Variants in RSF1 observed in about 807,000 individuals in gnomAD.
RSF1 encodes the protein remodeling and spacing factor 1, also known as HBV pX-associated protein 8.
RSF1 carries 13 observed loss-of-function variants against 145.2 expected under a neutral mutation model. That is an observed-to-expected ratio of 0.09 (90% CI 0.06 to 0.14). RSF1 has a LOEUF of 0.14. Among genes scored for constraint, RSF1 ranks in the 10% least tolerant of loss-of-function variants. The pLI is 1.00. For synonymous variants in RSF1, 577 were observed against 592.6 expected (o/e 0.97, Z 0.38); for missense variants, 1,517 against 1,718.2 (o/e 0.88, Z 2.07).
Position 77,667,150 on chromosome 11 carries a change from A to G in RSF1, c.4093T>C (p.Leu1365=). ...GKVGSPLDYS[L]VDLPSTNGQS... is the part of the protein sequence containing the mutation. Reference sequence around the variant, plus strand: ...CCATTGGTTGAAGGTAAGTCCACTAAGCTATAGTCCAATGGGCTCCCCACT... The same window carrying G: ...CCATTGGTTGAAGGTAAGTCCACTAGGCTATAGTCCAATGGGCTCCCCACT... Residue 1365 remains leucine, a synonymous_variant, in exon 16 of 16, where the codon TTA becomes CTA. Transcript: ENST00000308488. 2 of 1,614,196 alleles carry G rather than the reference A, an allele frequency of 1.2e-6. No individual in the cohort carries two copies. Among genetic ancestry groups the G allele is most frequent in the Non-Finnish European group, 1.7e-6 (2 of 1,180,036 alleles).
At chr11:77,795,690 A>C (rs1242604607) in intron 1 of RSF1, among the ~76,000 whole-genome samples, 1 of 152,224 alleles carries the variant, frequency 6.6e-6, no homozygotes, top group Non-Finnish European at 1.5e-5. Context: ...CTGGACCTCT[A>C]TTTCTCATCA....
chr11:77,768,354 G>C (rs1450911561), intron 1 of RSF1, among the ~76,000 whole-genome samples: 1 of 151,864 alleles, frequency 6.6e-6, no homozygotes, highest in Non-Finnish European at 1.5e-5. Flanking sequence ...GTAAAGACAG[G>C]GTTTTGCCAT....
chr11:77,854,531 T>A, the RSF1 span, among the ~76,000 whole-genome samples: 1 of 152,150 alleles, frequency 6.6e-6, no homozygotes, highest in South Asian at 2.1e-4. Context: ...GGGCAGTAAT[T>A]AAAACTTAAA....
intron 10 of RSF1, among the ~76,000 whole-genome samples, chr11:77,684,062 C>T (rs1362612817): frequency 2.0e-5 from 3 of 152,142 alleles, no homozygotes; most frequent in Non-Finnish European, 4.4e-5. Flanking sequence ...AGATTATAAC[C>T]AGTACTTGTT....
chr11:77,841,734 C>A, the RSF1 span, among the ~76,000 whole-genome samples: 1 of 152,224 alleles, frequency 6.6e-6, no homozygotes, highest in African/African-American at 2.4e-5. Flanking sequence ...CTTATAAAGC[C>A]CCCTGTGGCT....
chr11:77,757,031 G>A (rs866965936), intron 2 of RSF1, among the ~76,000 whole-genome samples: 1 of 152,174 alleles, frequency 6.6e-6, no homozygotes, highest in South Asian at 2.1e-4. Flanking sequence ...CAAGCCAAGG[G>A]GTGAAGGGAA....
At chr11:77,871,260 T>A in the RSF1 span, among the ~76,000 whole-genome samples, 1 of 152,236 alleles carries the variant, frequency 6.6e-6, no homozygotes, top group African/African-American at 2.4e-5. Flanking sequence ...CTAATTAAAA[T>A]CTATTTTTAA....
rs373939484 is a variant in RSF1 at position 77,667,358 on chromosome 11, T to C, written c.3885A>G (p.Pro1295=). The C allele has an allele frequency of 9.9e-6, 16 of 1,613,964 alleles. No individual in the cohort carries two copies. The highest frequency in any genetic ancestry group is 4.5e-5 in the East Asian group (2 of 44,870). ...CAATCCGGTGTAGCCGTTTGCGGGA[T>C]GGTTTGCCTTCCTCTTCCTCCTCCT... is the stretch of plus-strand genomic sequence containing the variant. The part of the protein sequence containing the change: ...DEEEEEEEGK[P]SRKRLHRIET... Residue 1295 remains proline, a synonymous_variant, in exon 16 of 16, where the codon CCA becomes CCG. Coordinates refer to ENST00000308488, the MANE Select transcript of RSF1 (RefSeq NM_016578.4).
At chr11:77,712,745 C>T (rs1960716837) in intron 5 of RSF1, among the ~76,000 whole-genome samples, 1 of 152,118 alleles carries the variant, frequency 6.6e-6, no homozygotes, top group South Asian at 2.1e-4. Context: ...AAAAGCTGCC[C>T]CTTCACCTTT....
At chr11:77,674,816 A>G (rs1332201170) in intron 14 of RSF1, among the ~76,000 whole-genome samples, 1 of 152,140 alleles carries the variant, frequency 6.6e-6, no homozygotes, top group Non-Finnish European at 1.5e-5. Flanking sequence ...CCTGGCCAAC[A>G]TGGAGAAACT....
chr11:77,682,915 G>A (rs1959902787), intron 11 of RSF1, among the ~76,000 whole-genome samples: 1 of 152,200 alleles, frequency 6.6e-6, no homozygotes, highest in Non-Finnish European at 1.5e-5. Flanking sequence ...CAAATGCAGA[G>A]AGTGTAAGGG....
chr11:77,736,026 C>T (rs761260984), intron 4 of RSF1, among the ~76,000 whole-genome samples: 1 of 152,186 alleles, frequency 6.6e-6, no homozygotes, highest in Non-Finnish European at 1.5e-5. Flanking sequence ...TGTGAGCCGC[C>T]GCACCCGGCC....
At chr11:77,738,691 T>G (rs1160940314) in intron 4 of RSF1, 1 of 152,128 alleles carries the variant, frequency 6.6e-6, no homozygotes, top group East Asian at 1.9e-4. Flanking sequence ...TTTTTTTTCT[T>G]TTTTTTGGAG....
chr11:77,688,558 G>A (rs1361235575), intron 9 of RSF1, among the ~76,000 whole-genome samples: 1 of 152,130 alleles, frequency 6.6e-6, no homozygotes, highest in Non-Finnish European at 1.5e-5. Flanking sequence ...TTTCATACAG[G>A]ATCATTCTTT....
intron 5 of RSF1, among the ~76,000 whole-genome samples, chr11:77,705,221 A>G (rs1377459393): frequency 6.6e-6 from 1 of 152,198 alleles, no homozygotes; most frequent in East Asian, 1.9e-4. Flanking sequence ...CATTTTCCCA[A>G]AGTTTGTCAA....
chr11:77,777,229 CATA>C (rs1948351635), intron 1 of RSF1, among the ~76,000 whole-genome samples: 2 of 152,050 alleles, frequency 1.3e-5, no homozygotes, highest in Non-Finnish European at 2.9e-5. Flanking sequence ...TGAAAATAAC[CATA>C]ATACCATTAT....
chr11:77,665,064 C>T lies in RSF1; in HGVS notation c.*1853G>A, dbSNP rs1959327548. The T allele has an allele frequency of 6.6e-6, 1 of 151,928 alleles. No individual in the cohort carries two copies. The highest frequency in any genetic ancestry group is 2.1e-4 in the South Asian group (1 of 4,812). 9.4% of individuals were successfully genotyped at this position (151,928 alleles called of 1,614,324 possible). ...ACTACAGAACTAAAGTGAAACAAAA[C>T]AAAACAACGAACAACTGAAAAACAA... On this transcript the variant is annotated 3_prime_UTR_variant, in exon 16 of 16. Transcript: ENST00000308488.
chr11:77,762,520 T>G (rs534113192), intron 2 of RSF1: 1 of 152,360 alleles, frequency 6.6e-6, no homozygotes, highest in Admixed American at 6.5e-5. Flanking sequence ...ACTGTCATTT[T>G]CTCAAGGTAC....
At chr11:77,847,045 G>A in the RSF1 span, among the ~76,000 whole-genome samples, 1 of 152,134 alleles carries the variant, frequency 6.6e-6, no homozygotes, top group Non-Finnish European at 1.5e-5. Flanking sequence ...GCAGGTTTAT[G>A]GTTATAAATT....
Sources: allele counts gnomAD v4.1 joint callset (sites outside exome capture counted in the v4.1 genomes callset), GRCh38; gene constraint gnomAD v4.1.1; transcripts MANE v1.5; gene names NCBI Gene and HGNC (gene_info 2026-07-23, HGNC 2026-07-21).